The following ADAM18 variants were observed in gnomAD, a reference collection of about 807,000 sequenced individuals.
ADAM18 encodes the protein ADAM metallopeptidase domain 18, also known as disintegrin and metalloproteinase domain-containing protein 18.
ADAM18 carries 117 observed loss-of-function variants against 94.4 expected under a neutral mutation model. The ratio of observed to expected loss-of-function variants is 1.24; its 90% CI spans 1.07 to 1.45. The LOEUF (loss-of-function observed/expected upper bound fraction) is 1.45. ADAM18 is among the 40% of genes most tolerant of loss of function. The pLI, the probability that ADAM18 is intolerant of heterozygous loss-of-function variation, is 0.00. For missense variants in ADAM18, 936 were observed against 880.0 expected (o/e 1.06, Z -0.81); for synonymous variants, 327 against 291.6 (o/e 1.12, Z -1.24).
At chr8:39,590,896 G>A (rs923942368) in intron 2 of ADAM18, among the ~76,000 whole-genome samples, 1 of 151,986 alleles carries the variant, frequency 6.6e-6, no homozygotes, top group Non-Finnish European at 1.5e-5. Flanking sequence ...GCTTATTATT[G>A]TTCAAAACTG....
intron 2 of ADAM18, among the ~76,000 whole-genome samples, chr8:39,594,308 A>G (rs1818670985): frequency 6.6e-6 from 1 of 152,188 alleles, no homozygotes; most frequent in African/African-American, 2.4e-5. Flanking sequence ...AGGAACACAA[A>G]GAAATAAGTG....
chr8:39,672,287 T>C (rs902202163), intron 14 of ADAM18, among the ~76,000 whole-genome samples: 1 of 152,150 alleles, frequency 6.6e-6, no homozygotes, highest in African/African-American at 2.4e-5. Context: ...AAAGATGGCT[T>C]CCTCTGCAGG....
intron 18 of ADAM18, 148 bp downstream of exon 18, chr8:39,707,052 T>A: frequency 1.8e-6 from 1 of 554,184 alleles, no homozygotes; most frequent in Non-Finnish European, 3.2e-6. Flanking sequence ...AAACCCTCAG[T>A]GGATGCCTGA....
chr8:39,652,083 A>T (rs1820556340), intron 12 of ADAM18, among the ~76,000 whole-genome samples: 1 of 152,174 alleles, frequency 6.6e-6, no homozygotes. Flanking sequence ...CTAAGACCTG[A>T]AACTATAAAA....
intron 2 of ADAM18, among the ~76,000 whole-genome samples, chr8:39,592,816 CT>C (rs1818615860): frequency 6.6e-6 from 1 of 152,152 alleles, no homozygotes; most frequent in Non-Finnish European, 1.5e-5. Context: ...ACGTGTACCC[CT>C]GAATCTAAAA....
At chr8:39,619,950 G>A (rs931551631) in intron 6 of ADAM18, among the ~76,000 whole-genome samples, 57 of 152,026 alleles carry the variant, frequency 3.7e-4, no homozygotes, top group African/African-American at 1.3e-3. Context: ...TGAGCAAAAA[G>A]AGGAAAATAT....
chr8:39,692,276 A>G (rs1000780244), intron 16 of ADAM18, among the ~76,000 whole-genome samples: 1 of 151,824 alleles, frequency 6.6e-6, no homozygotes, highest in Non-Finnish European at 1.5e-5. Context: ...AAACATTAAC[A>G]TAATATAGAA....
chr8:39,592,914 T>G (rs1444004810), intron 2 of ADAM18, among the ~76,000 whole-genome samples: 1 of 152,186 alleles, frequency 6.6e-6, no homozygotes, highest in Non-Finnish European at 1.5e-5. Flanking sequence ...ATTCTTCCAG[T>G]AGAAGGCTGT....
In ADAM18 at chr8:39,680,055, A is replaced by G; in HGVS notation, c.1650A>G (p.Lys550=). The G allele has an allele frequency of 7.4e-6, 12 of 1,613,640 alleles. No homozygotes were observed. The highest frequency in any genetic ancestry group is 1.0e-5 in the Non-Finnish European group (12 of 1,179,806). ...PCERKDVLCG[K]LACVQPHKNA... is the part of the protein sequence containing the mutation. Reference sequence around the variant, plus strand: ...CTTCCAGGGATGTTCTCTGTGGAAAATTAGCTTGTGTTCAGCCACATAAAA... The same window carrying G: ...CTTCCAGGGATGTTCTCTGTGGAAAGTTAGCTTGTGTTCAGCCACATAAAA... Residue 550 remains lysine (K), a synonymous_variant, in exon 16 of 20, where the codon AAA becomes AAG. Coordinates refer to ENST00000265707, the MANE Select transcript of ADAM18 (RefSeq NM_014237.3).
rs199824001 is a variant in ADAM18 at position 39,657,916 on chromosome 8, CAT to C, written c.1231-5878_1231-5877del. Among the ~76,000 whole-genome samples the C allele has an allele frequency of 7.2e-4, 109 of 152,234 alleles. No homozygotes were observed. In the East Asian group the frequency reaches 0.021, roughly 29 times the overall value. On this transcript the variant is annotated intron_variant, in intron 12 of 19. Transcript: ENST00000265707. ...TAATGATGTCATAGTAAGAACATAACATGTCAGGAATAGACATAACTGTTAAA... is the reference window on the plus strand; with the variant it reads ...TAATGATGTCATAGTAAGAACATAACGTCAGGAATAGACATAACTGTTAAA...
At chr8:39,677,290 C>A in intron 14 of ADAM18, 141 bp from the exon 15 acceptor site, 1 of 593,272 alleles carries the variant, frequency 1.7e-6, no homozygotes, top group Non-Finnish European at 2.9e-6. Context: ...TTTCTACTTG[C>A]ATTGACAGGG....
At chr8:39,709,922 C>T (rs1175870375) in intron 18 of ADAM18, among the ~76,000 whole-genome samples, 1 of 152,148 alleles carries the variant, frequency 6.6e-6, no homozygotes, top group African/African-American at 2.4e-5. Context: ...ATGAACAGAG[C>T]ATGAAAATAA....
At chr8:39,657,541 C>T (rs1048520298) in intron 12 of ADAM18, among the ~76,000 whole-genome samples, 2 of 152,118 alleles carry the variant, frequency 1.3e-5, no homozygotes, top group Admixed American at 6.6e-5. Flanking sequence ...GTTTTGAACT[C>T]CTGGCCTCAA....
At chr8:39,720,054 G>A (rs1039998964) in intron 18 of ADAM18, among the ~76,000 whole-genome samples, 2 of 131,706 alleles carry the variant, frequency 1.5e-5, no homozygotes, top group Non-Finnish European at 3.6e-5. Context: ...TGGAAACAAT[G>A]TAAATATAAA....
At chr8:39,725,425 G>A (rs913962633) in intron 19 of ADAM18, among the ~76,000 whole-genome samples, 5 of 152,072 alleles carry the variant, frequency 3.3e-5, no homozygotes, top group African/African-American at 1.2e-4. Context: ...GTACTGTGGT[G>A]TATAGTAGAG....
chr8:39,674,715 C>T (rs971139125), intron 14 of ADAM18, among the ~76,000 whole-genome samples: 1 of 152,176 alleles, frequency 6.6e-6, no homozygotes, highest in African/African-American at 2.4e-5. Flanking sequence ...TTCTTCTCTA[C>T]ATCGATGGTC....
chr8:39,658,153 A>G (rs1820737403), intron 12 of ADAM18, among the ~76,000 whole-genome samples: 1 of 152,204 alleles, frequency 6.6e-6, no homozygotes, highest in Admixed American at 6.5e-5. Context: ...TTTATAAATC[A>G]AAGAAAAAGA....
intron 14 of ADAM18, among the ~76,000 whole-genome samples, chr8:39,670,773 G>T (rs148376202): frequency 6.6e-6 from 1 of 152,286 alleles, no homozygotes; most frequent in Non-Finnish European, 1.5e-5. Context: ...GGAAAATACC[G>T]CCATCTGTCA....
chr8:39,589,677 TTTTA>T, intron 2 of ADAM18, among the ~76,000 whole-genome samples: 1 of 151,832 alleles, frequency 6.6e-6, no homozygotes, highest in Non-Finnish European at 1.5e-5. Flanking sequence ...TTATTAATAT[TTTTA>T]TTAGAAATAA....
Sources: allele counts gnomAD v4.1 joint callset (sites outside exome capture counted in the v4.1 genomes callset), GRCh38; gene constraint gnomAD v4.1.1; transcripts MANE v1.5; gene names NCBI Gene and HGNC (gene_info 2026-07-23, HGNC 2026-07-21).